ASB2: variants seen among roughly 807,000 people sequenced by gnomAD.
ASB2 encodes ankyrin repeat and SOCS box protein 2.
Under a neutral mutation model 62.4 loss-of-function variants are expected in ASB2, and 58 were observed. That is an observed-to-expected ratio of 0.93 (90% CI 0.75 to 1.16). ASB2 has a LOEUF of 1.16. Ranked by LOEUF, ASB2 falls within the 50% of genes most tolerant of loss-of-function variation. The pLI, the probability that ASB2 is intolerant of heterozygous loss-of-function variation, is 0.00. For missense variants in ASB2, 928 were observed against 887.9 expected (o/e 1.05, Z -0.57); for synonymous variants, 386 against 385.3 (o/e 1.00, Z -0.02).
At chr14:93,970,455 T>C (rs1199009017) in intron 1 of ASB2, among the ~76,000 whole-genome samples, 2 of 152,002 alleles carry the variant, frequency 1.3e-5, no homozygotes, top group African/African-American at 4.8e-5. Context: ...TGGCTGAGAG[T>C]CCTCTGCTGC....
chr14:93,972,466 C>T, intron 1 of ASB2, among the ~76,000 whole-genome samples: 1 of 152,148 alleles, frequency 6.6e-6, no homozygotes, highest in Non-Finnish European at 1.5e-5. Flanking sequence ...AGGCCACTTT[C>T]ATAGGTTGCC....
chr14:93,962,107 CTTTT>C (rs35800977), intron 2 of ASB2, among the ~76,000 whole-genome samples: 17 of 73,018 alleles, frequency 2.3e-4, no homozygotes, highest in African/African-American at 8.4e-4. Flanking sequence ...ATTAAACATT[CTTTT>C]TTTTTTTTTT....
Position 93,951,102 on chromosome 14 carries a change from G to A in ASB2, c.777C>T (p.Ser259=), listed in dbSNP as rs751946902. 5.7e-5 allele frequency: 92 copies of A among 1,614,070 alleles called. No homozygotes were observed. Among genetic ancestry groups the A allele is most frequent in the Middle Eastern group, 1.6e-4 (1 of 6,084 alleles). The change falls in exon 6 of 10, where the codon AGC becomes AGT. Residue 259 remains serine, a synonymous_variant. Coordinates refer to ENST00000555019, the MANE Select transcript of ASB2 (RefSeq NM_001202429.2). ...TCTTGGATTCCACCTTGGCTCCTCC[G>A]CTCACCAGGATCTGCATGACCTCCA... is the stretch of plus-strand genomic sequence containing the variant. ...NDLEVMQILV[S]GGAKVESKNA...
intron 1 of ASB2, among the ~76,000 whole-genome samples, chr14:93,965,750 C>A (rs889827943): frequency 2.0e-5 from 3 of 152,244 alleles, no homozygotes; most frequent in African/African-American, 7.2e-5. Context: ...CTTTCCCCAC[C>A]CTTCCCTGTT....
intron 7 of ASB2, chr14:93,941,478 G>A: frequency 2.8e-6 from 1 of 360,118 alleles, no homozygotes. Flanking sequence ...GTGATGCTGT[G>A]TTTGGCTAAA....
chr14:93,973,693 G>A (rs1278327383), intron 1 of ASB2, among the ~76,000 whole-genome samples: 1 of 152,248 alleles, frequency 6.6e-6, no homozygotes, highest in Non-Finnish European at 1.5e-5. Flanking sequence ...CCCTGCCAGA[G>A]GCTGGCCCCT....
chr14:93,939,284 T>C lies in ASB2; in HGVS notation c.1441A>G (p.Thr481Ala). ...IATHPTAFPATIMFAMKCLSL... is the reference protein window; with the variant it reads ...IATHPTAFPAAIMFAMKCLSL... ...AGGCACTTCATGGCGAACATGATGG[T>C]GGCGGGGAAGGCGGTGGGGTGCGTG... Residue 481 changes from threonine to alanine, a missense_variant, in exon 8 of 10, where the codon ACC becomes GCC. Thr to Ala is a moderately conservative substitution (Grantham distance 58). Transcript: ENST00000555019. The C allele has an allele frequency of 6.2e-7, 1 of 1,609,344 alleles. No individual in the cohort carries two copies. The highest frequency in any genetic ancestry group is 8.5e-7 in the Non-Finnish European group (1 of 1,176,736).
Position 93,951,415 on chromosome 14 carries a change from C to T in ASB2, c.635-171G>A, listed in dbSNP as rs557014194. On this transcript the variant is annotated intron_variant, in intron 5 of 9. Coordinates refer to ENST00000555019, the MANE Select transcript of ASB2 (RefSeq NM_001202429.2). ...CTGGGATAGGCGACTAAAAGTAATA[C>T]TGATACTAACATTAGCAAGAATACT... Among the ~76,000 whole-genome samples the T allele has an allele frequency of 3.3e-5, 5 of 152,352 alleles. 1 individual carries two copies. The South Asian group carries it at 8.3e-4, about 25-fold the overall frequency.
At chr14:93,957,956 G>A (rs913640929) in intron 2 of ASB2, among the ~76,000 whole-genome samples, 1 of 152,086 alleles carries the variant, frequency 6.6e-6, no homozygotes, top group African/African-American at 2.4e-5. Context: ...CACACCCTGT[G>A]GGGCATGGGG....
chr14:93,939,834 T>G (rs1888450285), intron 7 of ASB2, 162 bp from the exon 8 acceptor site: 1 of 528,180 alleles, frequency 1.9e-6, no homozygotes, highest in African/African-American at 2.0e-5. Flanking sequence ...GGGTCAACCA[T>G]TCTCACCCCA....
Position 93,934,458 on chromosome 14 carries a change from C to A in ASB2, c.*198G>T. ...AGTTTGTAAACAAATGATTCTTCTC[C>A]TTGACACATTCTGTTCTCTGCTCTG... On this transcript the variant is annotated 3_prime_UTR_variant, in exon 10 of 10. Coordinates refer to ENST00000555019, the MANE Select transcript of ASB2 (RefSeq NM_001202429.2). The A allele has an allele frequency of 1.7e-6, 1 of 593,410 alleles. No homozygotes were observed. Among genetic ancestry groups the A allele is most frequent in the Non-Finnish European group, 3.0e-6 (1 of 334,062 alleles). 36.8% of individuals were successfully genotyped at this position (593,410 alleles called of 1,614,324 possible).
At chr14:93,958,497 T>A (rs1480699456) in intron 2 of ASB2, among the ~76,000 whole-genome samples, 1 of 152,188 alleles carries the variant, frequency 6.6e-6, no homozygotes, top group African/African-American at 2.4e-5. Flanking sequence ...CCCTGTGACT[T>A]TGGACAAGCC....
At chr14:93,963,360 C>A (rs534996399) in intron 2 of ASB2, among the ~76,000 whole-genome samples, 2 of 151,618 alleles carry the variant, frequency 1.3e-5, no homozygotes, top group East Asian at 3.9e-4. Context: ...CCATGCCCTG[C>A]CATTCATGCC....
chr14:93,945,908 G>A (rs1888705785), intron 7 of ASB2, among the ~76,000 whole-genome samples: 1 of 152,218 alleles, frequency 6.6e-6, no homozygotes, highest in African/African-American at 2.4e-5. Context: ...CTGTCTGGAA[G>A]ATTCGGGTGT....
At position 93,953,549 on chromosome 14, in the gene ASB2, C is replaced by T. The variant is rs773999008; in HGVS notation, c.479-42G>A. The T allele has an allele frequency of 3.3e-6, 5 of 1,516,990 alleles. No individual in the cohort carries two copies. In the East Asian group the frequency reaches 7.0e-5, roughly 21 times the overall value. The allele number at this position is 1,516,990 out of a possible 1,614,324, so 94.0% of individuals were successfully genotyped here. A position where few individuals can be genotyped will look rare whatever the true frequency, so the allele number is the denominator to read the frequency against. On this transcript the variant is annotated intron_variant, in intron 4 of 9. Coordinates refer to ENST00000555019, the MANE Select transcript of ASB2 (RefSeq NM_001202429.2). ...GGGAAATTCATGTAGGAGAAAGATA[C>T]TCAGCCCCGCAACACAGAGGCTTTC...
chr14:93,948,039 C>T (rs893421132), intron 6 of ASB2, among the ~76,000 whole-genome samples: 3 of 151,420 alleles, frequency 2.0e-5, no homozygotes, highest in Admixed American at 6.6e-5. Context: ...CCTGCCAGCC[C>T]GAACAGAGGC....
In ASB2 at chr14:93,953,391, C is replaced by T. The variant is rs762667164; in HGVS notation, c.595G>A (p.Asp199Asn). 1.4e-5 allele frequency: 22 copies of T among 1,599,260 alleles called. No individual in the cohort carries two copies. The highest frequency in any genetic ancestry group is 6.6e-5 in the South Asian group (6 of 90,340). ...LSLLQAGAEP[D>N]ISNKSRETPL... ...GTCTCTCGGGATTTGTTGGAGATGT[C>T]CGGCTCTGCCCCTGCTTGGAGCAGT... The change falls in exon 5 of 10, where the codon GAC becomes AAC. Residue 199 changes from aspartate to asparagine, a missense_variant. Asp to Asn is a conservative substitution (Grantham distance 23, BLOSUM62 1). Transcript: ENST00000555019.
intron 7 of ASB2, among the ~76,000 whole-genome samples, chr14:93,944,307 T>G (rs1005187960): frequency 2.0e-5 from 3 of 152,246 alleles, no homozygotes; most frequent in Non-Finnish European, 4.4e-5. Context: ...TTTGCTAAAC[T>G]GGAAATGAAC....
At chr14:93,963,002 CT>C (rs923672871) in intron 2 of ASB2, among the ~76,000 whole-genome samples, 79 of 152,254 alleles carry the variant, frequency 5.2e-4, no homozygotes, top group Middle Eastern at 3.4e-3. Flanking sequence ...AGTCTTCGTA[CT>C]CTTTCCGGCT....
Sources: allele counts gnomAD v4.1 joint callset (sites outside exome capture counted in the v4.1 genomes callset), GRCh38; gene constraint gnomAD v4.1.1; transcripts MANE v1.5; gene names NCBI Gene and HGNC (gene_info 2026-07-23, HGNC 2026-07-21).